UGT1A10: variants seen among roughly 807,000 people sequenced by gnomAD.
The protein encoded by UGT1A10 is UDP glucuronosyltransferase family 1 member A10.
In UGT1A10, 49 loss-of-function variants were observed where a neutral mutation model predicts 45.8. The ratio of observed to expected loss-of-function variants is 1.07; its 90% CI spans 0.85 to 1.36. UGT1A10 has a LOEUF of 1.36. Among genes scored for constraint, UGT1A10 ranks in the 40% most tolerant of loss-of-function variants. UGT1A10 has a pLI of 0.00. For missense variants in UGT1A10, 745 were observed against 668.6 expected (o/e 1.11, Z -1.26); for synonymous variants, 284 against 249.7 (o/e 1.14, Z -1.29).
intron 1 of UGT1A10, among the ~76,000 whole-genome samples, chr2:233,665,400 C>G (rs5008749): frequency 2.0e-5 from 3 of 152,206 alleles, no homozygotes; most frequent in African/African-American, 4.8e-5. Context: ...TCATCATGTG[C>G]ATCCCCAGCA....
At chr2:233,730,096 A>G in intron 1 of UGT1A10, 1 of 1,590,372 alleles carries the variant, frequency 6.3e-7, no homozygotes, top group Non-Finnish European at 8.6e-7. Flanking sequence ...CTTTCCAAAT[A>G]TTTCATTTCT....
chr2:233,729,487 T>C (rs1189520708), intron 1 of UGT1A10: 17 of 1,614,220 alleles, frequency 1.1e-5, no homozygotes, highest in Non-Finnish European at 1.4e-5. Flanking sequence ...GAACAATATG[T>C]CTTTGGTCTA....
intron 1 of UGT1A10, among the ~76,000 whole-genome samples, chr2:233,659,420 C>T (rs1227411905): frequency 6.6e-6 from 1 of 151,910 alleles, no homozygotes; most frequent in Non-Finnish European, 1.5e-5. Context: ...ATAAAGTCAG[C>T]TAGATAAAAG....
chr2:233,766,972 C>T, intron 1 of UGT1A10, 62 bp from the exon 2 acceptor site: 2 of 1,611,258 alleles, frequency 1.2e-6, no homozygotes, highest in South Asian at 1.1e-5. Context: ...TCATAACTTA[C>T]TGTATGTAGT....
At chr2:233,713,498 T>A in intron 1 of UGT1A10, 1 of 1,614,012 alleles carries the variant, frequency 6.2e-7, no homozygotes, top group Non-Finnish European at 8.5e-7. Context: ...CGATTCCTGC[T>A]GTGTTTTTCT....
intron 1 of UGT1A10, among the ~76,000 whole-genome samples, chr2:233,724,125 CA>C (rs1371340693): frequency 1.8e-5 from 2 of 108,584 alleles, no homozygotes; most frequent in Non-Finnish European, 3.7e-5. Flanking sequence ...AGGCGCCCCT[CA>C]CCTCCCGGAC....
chr2:233,659,964 G>C (rs1575407256), intron 1 of UGT1A10, among the ~76,000 whole-genome samples: 1 of 152,146 alleles, frequency 6.6e-6, no homozygotes. Flanking sequence ...TAATTCCTCA[G>C]GTGTGGTGTC....
At chr2:233,720,574 T>A (rs1460258632) in intron 1 of UGT1A10, among the ~76,000 whole-genome samples, 1 of 152,136 alleles carries the variant, frequency 6.6e-6, no homozygotes, top group Non-Finnish European at 1.5e-5. Context: ...CTATTCTTTT[T>A]CCAAAAATTT....
chr2:233,677,410 C>CA (rs917794431), intron 1 of UGT1A10, among the ~76,000 whole-genome samples: 5 of 152,108 alleles, frequency 3.3e-5, no homozygotes, highest in African/African-American at 1.2e-4. Flanking sequence ...TTTGATTCTC[C>CA]AAAAACTTAA....
At chr2:233,767,613 G>C (rs1438949419) in intron 2 of UGT1A10, among the ~76,000 whole-genome samples, 4 of 152,108 alleles carry the variant, frequency 2.6e-5, no homozygotes, top group African/African-American at 9.7e-5. Flanking sequence ...AAAATCCTAA[G>C]TGCACAGCTT....
In UGT1A10 at chr2:233,756,536, G is replaced by A. The variant is rs1381058944; in HGVS notation, c.856-10498G>A. Reference sequence around the variant, plus strand: ...AATGTGCATGTTATTCACTTTTCTTGACTGCTAAAACAACCAGGGAGATCC... The same window carrying A: ...AATGTGCATGTTATTCACTTTTCTTAACTGCTAAAACAACCAGGGAGATCC... On this transcript the variant is annotated intron_variant, in intron 1 of 4. Coordinates refer to ENST00000344644, the MANE Select transcript of UGT1A10 (RefSeq NM_019075.4). 2.0e-5 allele frequency among the ~76,000 whole-genome samples: 3 copies of A among 151,924 alleles called. No individual in the cohort carries two copies. The East Asian group carries it at 5.8e-4, about 29-fold the overall frequency.
intron 1 of UGT1A10, among the ~76,000 whole-genome samples, chr2:233,698,232 G>T (rs1383966106): frequency 6.6e-6 from 1 of 152,060 alleles, no homozygotes; most frequent in African/African-American, 2.4e-5. Context: ...AAATTAAAGT[G>T]ATCAAAATAG....
chr2:233,753,853 A>G (rs1695329798), intron 1 of UGT1A10, among the ~76,000 whole-genome samples: 1 of 152,184 alleles, frequency 6.6e-6, no homozygotes, highest in Non-Finnish European at 1.5e-5. Flanking sequence ...TCATTGACCA[A>G]CCACATAACC....
chr2:233,703,554 T>C (rs2075743113), intron 1 of UGT1A10, among the ~76,000 whole-genome samples: 1 of 152,108 alleles, frequency 6.6e-6, no homozygotes, highest in Non-Finnish European at 1.5e-5. Flanking sequence ...TTATTGCTAG[T>C]AATATTTTTT....
intron 1 of UGT1A10, chr2:233,741,630 C>G (rs1050074339): frequency 1.3e-5 from 2 of 151,896 alleles, no homozygotes; most frequent in African/African-American, 4.9e-5. Flanking sequence ...CCATGAGCCC[C>G]TGTGGGATGG....
intron 1 of UGT1A10, among the ~76,000 whole-genome samples, chr2:233,740,449 G>A (rs1478518118): frequency 1.3e-5 from 2 of 151,974 alleles, no homozygotes; most frequent in African/African-American, 4.9e-5. Flanking sequence ...AATCAGAGGA[G>A]AAGAAGATGA....
At chr2:233,727,811 G>C (rs1024803216) in intron 1 of UGT1A10, among the ~76,000 whole-genome samples, 4 of 152,210 alleles carry the variant, frequency 2.6e-5, no homozygotes, top group African/African-American at 9.7e-5. Context: ...CATGGGTTCT[G>C]TCCAAAGGTG....
At chr2:233,737,798 AC>A (rs2125811044) in intron 1 of UGT1A10, among the ~76,000 whole-genome samples, 1 of 151,388 alleles carries the variant, frequency 6.6e-6, no homozygotes, top group African/African-American at 2.4e-5. Flanking sequence ...TCAAATCTTC[AC>A]TATCATCTCA....
At chr2:233,689,405 C>T (rs1460955813) in intron 1 of UGT1A10, among the ~76,000 whole-genome samples, 1 of 152,192 alleles carries the variant, frequency 6.6e-6, no homozygotes, top group Non-Finnish European at 1.5e-5. Flanking sequence ...ACTTGAGACC[C>T]AATCTCTCTA....
Sources: gnomAD v4.1 joint callset for allele counts (sites outside exome capture counted in the v4.1 genomes callset) on GRCh38, gnomAD v4.1.1 for gene constraint, MANE v1.5 for transcripts, NCBI Gene and HGNC (gene_info 2026-07-23, HGNC 2026-07-21) for gene names.